Variants in BMPER observed in about 807,000 individuals in gnomAD.
BMPER encodes BMP-binding endothelial regulator protein.
BMPER carries 45 observed loss-of-function variants against 87.3 expected under a neutral mutation model. The observed-to-expected ratio is 0.52, with a 90% CI of 0.41 to 0.66. The LOEUF is 0.66. Among genes scored for constraint, BMPER ranks in the 30% least tolerant of loss-of-function variants. BMPER has a pLI of 0.00. For synonymous variants in BMPER, 326 were observed against 316.2 expected (o/e 1.03, Z -0.33); for missense variants, 784 against 867.5 (o/e 0.90, Z 1.21).
intron 6 of BMPER, among the ~76,000 whole-genome samples, chr7:34,016,792 C>T (rs1486434628): frequency 6.6e-6 from 1 of 151,834 alleles, no homozygotes; most frequent in African/African-American, 2.4e-5. Flanking sequence ...ATTTTTCCAA[C>T]AGAAAAAACC....
chr7:34,016,246 C>T (rs886726822), intron 6 of BMPER, among the ~76,000 whole-genome samples: 4 of 151,960 alleles, frequency 2.6e-5, no homozygotes, highest in Non-Finnish European at 4.4e-5. Context: ...CTGCACAGCT[C>T]AAAGATCCTT....
chr7:34,020,858 TAAC>T (rs1554305904), intron 6 of BMPER, among the ~76,000 whole-genome samples: 1 of 122,538 alleles, frequency 8.2e-6, no homozygotes, highest in South Asian at 2.5e-4. Context: ...ATGAATTTCT[TAAC>T]ACACACACAC....
At chr7:33,978,370 G>A (rs913015463) in intron 6 of BMPER, among the ~76,000 whole-genome samples, 1 of 152,212 alleles carries the variant, frequency 6.6e-6, no homozygotes, top group Admixed American at 6.5e-5. Flanking sequence ...CCCACTCTCA[G>A]ATATTTTGTT....
chr7:34,013,509 T>C (rs1786937865), intron 6 of BMPER, among the ~76,000 whole-genome samples: 1 of 151,934 alleles, frequency 6.6e-6, no homozygotes, highest in Non-Finnish European at 1.5e-5. Flanking sequence ...TTTTTAAAAA[T>C]AGCTCTCTTG....
Position 33,985,910 on chromosome 7 carries a change from G to A in BMPER, c.576+11126G>A, listed in dbSNP as rs192954742. Among the ~76,000 whole-genome samples the A allele has an allele frequency of 6.0e-3, 905 of 152,074 alleles. 27 individuals are homozygous for A. The highest frequency in any genetic ancestry group is 0.053 in the Admixed American group (804 of 15,262). ...TTTGACCTTAGTATGCATATGGCAT[G>A]GTAGATAATTGCATAGTTTGCTAAA... On this transcript the variant is annotated intron_variant, in intron 6 of 14. Coordinates refer to ENST00000649409, the MANE Select transcript of BMPER (RefSeq NM_001365308.1).
intron 13 of BMPER, among the ~76,000 whole-genome samples, chr7:34,134,995 A>T (rs1362956561): frequency 1.3e-5 from 2 of 152,180 alleles, no homozygotes; most frequent in African/African-American, 2.4e-5. Flanking sequence ...GTCAGAGGTG[A>T]ATGATCATTT....
chr7:33,907,965 A>C (rs1783864035), intron 2 of BMPER, among the ~76,000 whole-genome samples: 1 of 152,254 alleles, frequency 6.6e-6, no homozygotes, highest in African/African-American at 2.4e-5. Context: ...GCTGTATCAA[A>C]CAATTATCAG....
intron 6 of BMPER, among the ~76,000 whole-genome samples, chr7:33,988,653 C>G (rs557571120): frequency 2.6e-5 from 4 of 151,818 alleles, no homozygotes; most frequent in African/African-American, 9.7e-5. Context: ...TTAGGGTACA[C>G]GTGCACATTG....
At chr7:34,123,214 T>A (rs4723353) in intron 13 of BMPER, among the ~76,000 whole-genome samples, 25,986 of 152,134 alleles carry the variant, frequency 0.17, 2,411 homozygotes, top group Non-Finnish European at 0.2. Context: ...ATGGTAGAAG[T>A]ACTAAAATTA....
rs142205105 is a variant in BMPER at position 33,937,323 on chromosome 7, C to T, written c.254C>T (p.Pro85Leu). ...GTGACATGTAAGAGAGAGAAGTGCC[C>T]CGTGCTGTCCCGAGACTGTGCCCTG... ...KEVTCKREKC[P>L]VLSRDCALAI... The change falls in exon 3 of 15, where the codon CCC (proline) becomes CTC (leucine). Residue 85 changes from proline to leucine, a missense_variant. Physicochemically the swap from Pro to Leu is moderately conservative, Grantham distance 98 (BLOSUM62 -3). Coordinates refer to ENST00000649409, the MANE Select transcript of BMPER (RefSeq NM_001365308.1). The T allele has an allele frequency of 2.9e-4, 476 of 1,614,152 alleles. 9 individuals carry two copies. In the Middle Eastern group the frequency reaches 9.6e-3, roughly 32 times the overall value.
At chr7:33,994,657 T>A (rs1482573436) in intron 6 of BMPER, among the ~76,000 whole-genome samples, 1 of 152,308 alleles carries the variant, frequency 6.6e-6, no homozygotes, top group East Asian at 1.9e-4. Context: ...TTTTAAAAGT[T>A]TTGCCTTTGC....
chr7:34,013,040 A>G (rs1254284950), intron 6 of BMPER, among the ~76,000 whole-genome samples: 17 of 152,004 alleles, frequency 1.1e-4, no homozygotes, highest in Admixed American at 3.9e-4. Flanking sequence ...TGGCTCAACA[A>G]CAGGCAGACA....
intron 13 of BMPER, among the ~76,000 whole-genome samples, chr7:34,095,202 G>C (rs1462461180): frequency 6.6e-6 from 1 of 152,196 alleles, no homozygotes; most frequent in Non-Finnish European, 1.5e-5. Context: ...CTCGCCCTCA[G>C]TGTGCTTTAC....
At chr7:34,119,656 GA>G (rs1489686293) in intron 13 of BMPER, among the ~76,000 whole-genome samples, 12 of 151,998 alleles carry the variant, frequency 7.9e-5, no homozygotes, top group African/African-American at 1.7e-4. Context: ...GCAGGAAGTA[GA>G]AAAATCAAGA....
intron 13 of BMPER, among the ~76,000 whole-genome samples, chr7:34,129,610 A>AGAGAG (rs1790507400): frequency 1.4e-3 from 100 of 69,608 alleles, no homozygotes; most frequent in African/African-American, 2.2e-3. Context: ...GAGAGAGAGA[A>AGAGAG]AGAGAGAGAG....
chr7:34,129,144 TC>T (rs1234778533), intron 13 of BMPER, among the ~76,000 whole-genome samples: 1 of 152,082 alleles, frequency 6.6e-6, no homozygotes, highest in Non-Finnish European at 1.5e-5. Flanking sequence ...CAATTTCAGA[TC>T]CCCTGCTTTG....
chr7:34,145,675 A>G (rs1790998221), intron 14 of BMPER, among the ~76,000 whole-genome samples: 1 of 152,198 alleles, frequency 6.6e-6, no homozygotes, highest in Non-Finnish European at 1.5e-5. Context: ...GATCCAGCCA[A>G]CCATCCTGGT....
At chr7:33,966,746 T>C (rs1785416683) in intron 4 of BMPER, among the ~76,000 whole-genome samples, 185 bp downstream of exon 4, 1 of 152,156 alleles carries the variant, frequency 6.6e-6, no homozygotes, top group African/African-American at 2.4e-5. Flanking sequence ...GCAGCATAGA[T>C]ATTGTGTAGA....
chr7:33,913,012 A>ATTC (rs1783998813), intron 2 of BMPER, among the ~76,000 whole-genome samples: 1 of 152,216 alleles, frequency 6.6e-6, no homozygotes, highest in Non-Finnish European at 1.5e-5. Flanking sequence ...AACAGGACAG[A>ATTC]TTCTTGCCCA....
Sources: allele counts gnomAD v4.1 joint callset (sites outside exome capture counted in the v4.1 genomes callset), GRCh38; gene constraint gnomAD v4.1.1; transcripts MANE v1.5; gene names NCBI Gene and HGNC (gene_info 2026-07-23, HGNC 2026-07-21).